Variants in NRXN3 observed in about 807,000 individuals in gnomAD.
NRXN3 encodes neurexin III.
Under a neutral mutation model 137.6 loss-of-function variants are expected in NRXN3, and 32 were observed. That is an observed-to-expected ratio of 0.23 (90% CI 0.18 to 0.31). NRXN3 has a LOEUF of 0.31. NRXN3 is among the 10% of genes least tolerant of loss of function. The pLI, the probability that NRXN3 is intolerant of heterozygous loss-of-function variation, is 1.00. For missense variants in NRXN3, 1,574 were observed against 2,062.5 expected (o/e 0.76, Z 4.59); for synonymous variants, 798 against 784.5 (o/e 1.02, Z -0.29).
At chr14:79,745,644 G>A (rs548571123) in intron 19 of NRXN3, among the ~76,000 whole-genome samples, 1 of 152,118 alleles carries the variant, frequency 6.6e-6, no homozygotes, top group East Asian at 1.9e-4. Context: ...GTTTCCTAGG[G>A]CTTCTGTAAT....
chr14:78,904,970 T>A (rs2099210666), intron 10 of NRXN3, among the ~76,000 whole-genome samples: 1 of 152,070 alleles, frequency 6.6e-6, no homozygotes, highest in African/African-American at 2.4e-5. Context: ...ATTATTTTCC[T>A]CTTTCAACAT....
At chr14:79,365,303 C>T (rs964200435) in intron 15 of NRXN3, among the ~76,000 whole-genome samples, 1 of 152,046 alleles carries the variant, frequency 6.6e-6, no homozygotes, top group Non-Finnish European at 1.5e-5. Context: ...TCTACTTGGT[C>T]CAGCTGCCTT....
At chr14:79,033,858 T>G (rs1468138757) in intron 15 of NRXN3, among the ~76,000 whole-genome samples, 2 of 152,146 alleles carry the variant, frequency 1.3e-5, no homozygotes, top group Admixed American at 1.3e-4. Context: ...GCCGGAGCTC[T>G]TAATGGGCAT....
chr14:79,089,274 T>G (rs538784000), intron 15 of NRXN3, among the ~76,000 whole-genome samples: 38 of 152,200 alleles, frequency 2.5e-4, no homozygotes, highest in African/African-American at 8.9e-4. Context: ...ACATACCAAA[T>G]AAGTGAAACG....
Position 79,151,945 on chromosome 14 carries a change from G to T in NRXN3, c.3262+163804G>T, listed in dbSNP as rs1045342475. ...ACATATTTCCATGATATTAAAATTG[G>T]CAAGTAAAGAAAATAAAATATGTAA... is the stretch of plus-strand genomic sequence containing the variant. On this transcript the variant is annotated intron_variant, in intron 15 of 20. Coordinates refer to ENST00000335750, the MANE Select transcript of NRXN3 (RefSeq NM_001330195.2). 7.9e-5 allele frequency among the ~76,000 whole-genome samples: 12 copies of T among 151,784 alleles called. No individual in the cohort carries two copies. In the East Asian group the frequency reaches 2.3e-3, roughly 30 times the overall value.
intron 20 of NRXN3, among the ~76,000 whole-genome samples, chr14:79,846,134 C>T (rs2099370390): frequency 6.6e-6 from 1 of 152,088 alleles, no homozygotes; most frequent in African/African-American, 2.4e-5. Flanking sequence ...AAATGTAACA[C>T]AGAGTTGCAA....
intron 2 of NRXN3, among the ~76,000 whole-genome samples, chr14:78,245,910 T>C (rs1353543567): frequency 6.6e-6 from 1 of 152,198 alleles, no homozygotes; most frequent in Non-Finnish European, 1.5e-5. Flanking sequence ...CTACAAACCA[T>C]TTTGGGAATG....
intron 10 of NRXN3, among the ~76,000 whole-genome samples, chr14:78,902,650 G>A (rs1035198925): frequency 2.0e-5 from 3 of 151,860 alleles, no homozygotes; most frequent in Non-Finnish European, 4.4e-5. Context: ...ATTATTTAAT[G>A]TTTCCCATTG....
At chr14:79,784,754 G>C (rs1232965777) in intron 19 of NRXN3, among the ~76,000 whole-genome samples, 1 of 151,686 alleles carries the variant, frequency 6.6e-6, no homozygotes, top group African/African-American at 2.4e-5. Context: ...AGTCTATCGG[G>C]CTGTTAAAAT....
intron 19 of NRXN3, among the ~76,000 whole-genome samples, chr14:79,713,645 C>A (rs953479900): frequency 1.4e-5 from 2 of 141,442 alleles, no homozygotes; most frequent in Admixed American, 1.4e-4. Flanking sequence ...GCTATCACTA[C>A]ACAATTCCAC....
intron 15 of NRXN3, among the ~76,000 whole-genome samples, chr14:79,207,742 G>T (rs1381787235): frequency 6.6e-6 from 1 of 152,138 alleles, no homozygotes; most frequent in Non-Finnish European, 1.5e-5. Flanking sequence ...TGTTGCATAG[G>T]CATAAGGGTT....
intron 4 of NRXN3, among the ~76,000 whole-genome samples, chr14:78,478,356 C>A (rs1383470197): frequency 6.6e-6 from 1 of 152,066 alleles, no homozygotes; most frequent in East Asian, 1.9e-4. Context: ...ACATGGAATG[C>A]TTCATGGAGG....
chr14:79,014,806 T>G (rs1197874148), intron 15 of NRXN3, among the ~76,000 whole-genome samples: 1 of 152,176 alleles, frequency 6.6e-6, no homozygotes, highest in Non-Finnish European at 1.5e-5. Context: ...ATCTTTGAAG[T>G]TGCTGTCCCT....
chr14:79,304,493 C>T (rs1283638536), intron 15 of NRXN3, among the ~76,000 whole-genome samples: 2 of 151,976 alleles, frequency 1.3e-5, no homozygotes, highest in African/African-American at 4.8e-5. Flanking sequence ...TGGGCAGCTC[C>T]AAACCAGAAG....
intron 4 of NRXN3, among the ~76,000 whole-genome samples, chr14:78,326,066 C>T (rs907566378): frequency 6.6e-6 from 1 of 152,168 alleles, no homozygotes; most frequent in Non-Finnish European, 1.5e-5. Flanking sequence ...AGGATAACTG[C>T]TAGCCTGTTG....
chr14:78,449,170 C>T (rs184396374), intron 4 of NRXN3, among the ~76,000 whole-genome samples: 17 of 152,324 alleles, frequency 1.1e-4, no homozygotes, highest in African/African-American at 4.1e-4. Flanking sequence ...TCTTCCTCAT[C>T]TCACTCCTAT....
At chr14:78,471,898 C>G (rs2095281685) in intron 4 of NRXN3, among the ~76,000 whole-genome samples, 1 of 152,160 alleles carries the variant, frequency 6.6e-6, no homozygotes, top group African/African-American at 2.4e-5. Flanking sequence ...CAAAGAGAAG[C>G]TGGGTGGACT....
chr14:79,483,548 A>T (rs776431119), intron 16 of NRXN3, among the ~76,000 whole-genome samples: 3 of 152,212 alleles, frequency 2.0e-5, no homozygotes, highest in Admixed American at 6.5e-5. Context: ...TCTAGCAGGA[A>T]GATCAAATTT....
At chr14:79,773,304 T>C (rs1024332464) in intron 19 of NRXN3, among the ~76,000 whole-genome samples, 1 of 152,128 alleles carries the variant, frequency 6.6e-6, no homozygotes, top group Non-Finnish European at 1.5e-5. Context: ...CTATAAATCA[T>C]GCTGCTATAA....
Sources: allele counts gnomAD v4.1 joint callset (sites outside exome capture counted in the v4.1 genomes callset), GRCh38; gene constraint gnomAD v4.1.1; transcripts MANE v1.5; gene names NCBI Gene and HGNC (gene_info 2026-07-23, HGNC 2026-07-21).